Variants in TRMT11 observed in about 807,000 individuals in gnomAD.
TRMT11 encodes the protein tRNA (guanine(10)-N(2))-methyltransferase TRMT11.
Under a neutral mutation model 62.8 loss-of-function variants are expected in TRMT11, and 53 were observed. That is an observed-to-expected ratio of 0.84 (90% CI 0.68 to 1.06). The LOEUF (loss-of-function observed/expected upper bound fraction) is 1.06. TRMT11 is among the 50% of genes least tolerant of loss of function. The probability of loss-of-function intolerance (pLI) is 0.00; values close to 1 mark genes in which losing one functional copy is unlikely to be tolerated. For synonymous variants in TRMT11, 188 were observed against 190.3 expected (o/e 0.99, Z 0.10); for missense variants, 556 against 553.4 (o/e 1.00, Z -0.05).
At chr6:126,166,854 A>G (rs1489128114) in intron 21 of TRMT11, among the ~76,000 whole-genome samples, 1 of 152,098 alleles carries the variant, frequency 6.6e-6, no homozygotes, top group East Asian at 1.9e-4. Flanking sequence ...CAGTGGCTTC[A>G]TGGTGCTGCG....
At chr6:126,144,351 G>T (rs1295873347) in intron 21 of TRMT11, among the ~76,000 whole-genome samples, 1 of 152,128 alleles carries the variant, frequency 6.6e-6, no homozygotes, top group Admixed American at 6.6e-5. Context: ...AAATTGGCGT[G>T]AATTCATTTC....
downstream of TRMT11, among the ~76,000 whole-genome samples, chr6:126,044,225 T>G (rs1295946773): frequency 2.6e-5 from 4 of 152,182 alleles, no homozygotes. Context: ...TTGAATTAAT[T>G]TTTGTATAAA....
At chr6:125,988,694 G>A (rs1790077887) in intron 1 of TRMT11, among the ~76,000 whole-genome samples, 1 of 152,176 alleles carries the variant, frequency 6.6e-6, no homozygotes, top group Non-Finnish European at 1.5e-5. Flanking sequence ...AGTTGACAAG[G>A]AAAAGTAAAA....
chr6:126,075,955 C>T (rs531506769), intron 17 of TRMT11, among the ~76,000 whole-genome samples: 1 of 152,184 alleles, frequency 6.6e-6, no homozygotes, highest in Admixed American at 6.5e-5. Context: ...AATCACAGGG[C>T]CCCAAGGAAC....
At chr6:126,021,542 G>A (rs1795809663) in intron 12 of TRMT11, among the ~76,000 whole-genome samples, 1 of 152,140 alleles carries the variant, frequency 6.6e-6, no homozygotes, top group African/African-American at 2.4e-5. Flanking sequence ...TGATATCCTT[G>A]TTGCTAACTC....
chr6:126,188,678 C>G (rs9491576), intron 1 of TRMT11, among the ~76,000 whole-genome samples: 14,997 of 152,108 alleles, frequency 0.099, 2,467 homozygotes, highest in African/African-American at 0.34. Flanking sequence ...CAAAGTTGTT[C>G]GTACCTTCAA....
At chr6:126,041,673 G>A (rs924241058), downstream of TRMT11, among the ~76,000 whole-genome samples, 1 of 152,026 alleles carries the variant, frequency 6.6e-6, no homozygotes, top group African/African-American at 2.4e-5. Context: ...AGTTCTAACA[G>A]GAAAAAAATT....
chr6:126,023,218 T>C (rs536500685), intron 12 of TRMT11, among the ~76,000 whole-genome samples: 51 of 152,338 alleles, frequency 3.3e-4, no homozygotes, highest in Admixed American at 9.8e-4. Context: ...GTTTCCAAAT[T>C]GTTTGGCATC....
chr6:126,092,389 A>T (rs554249320), intron 17 of TRMT11, among the ~76,000 whole-genome samples: 2 of 152,302 alleles, frequency 1.3e-5, no homozygotes, highest in East Asian at 3.9e-4. Context: ...AAGAGAGAGA[A>T]TGAGAGCCAA....
chr6:126,209,458 C>G, the TRMT11 span, among the ~76,000 whole-genome samples: 1 of 152,052 alleles, frequency 6.6e-6, no homozygotes, highest in African/African-American at 2.4e-5. Context: ...CGGTGGCTCA[C>G]TCCTGTAATC....
the TRMT11 span, among the ~76,000 whole-genome samples, chr6:126,255,983 C>A: frequency 6.6e-6 from 1 of 152,126 alleles, no homozygotes; most frequent in Admixed American, 6.6e-5. Flanking sequence ...CTTGGCTGGG[C>A]AGTTCTGGCT....
At chr6:126,205,898 TACACACACACACACACACAC>T (rs59880424), downstream of TRMT11, among the ~76,000 whole-genome samples, 32 of 143,070 alleles carry the variant, frequency 2.2e-4, no homozygotes, top group Non-Finnish European at 4.3e-4. Context: ...TGTGAGAGGG[TACACACACACACACACACAC>T]ACACACACAC....
intron 21 of TRMT11, among the ~76,000 whole-genome samples, chr6:126,153,331 A>C (rs999865533): frequency 6.6e-6 from 1 of 152,238 alleles, no homozygotes; most frequent in Admixed American, 6.5e-5. Context: ...ATTTCCCTAA[A>C]GTGTGTTTTG....
chr6:126,268,081 G>A, the TRMT11 span, among the ~76,000 whole-genome samples: 1 of 152,122 alleles, frequency 6.6e-6, no homozygotes, highest in Non-Finnish European at 1.5e-5. Flanking sequence ...ACTAAATTAG[G>A]TGTAAATTAT....
At chr6:126,242,675 A>C in the TRMT11 span, among the ~76,000 whole-genome samples, 35 of 152,276 alleles carry the variant, frequency 2.3e-4, no homozygotes, top group South Asian at 6.2e-4. Flanking sequence ...CAAAAACAAG[A>C]AATGGGGAAA....
At chr6:126,237,710 TAAAG>T in the TRMT11 span, among the ~76,000 whole-genome samples, 12 of 151,936 alleles carry the variant, frequency 7.9e-5, no homozygotes, top group African/African-American at 2.7e-4. Flanking sequence ...AAAAGTCTCT[TAAAG>T]AAAAACCAGG....
At chr6:126,051,346 A>G (rs141602591) in intron 16 of TRMT11, among the ~76,000 whole-genome samples, 37 of 152,262 alleles carry the variant, frequency 2.4e-4, no homozygotes, top group African/African-American at 8.2e-4. Context: ...GGGAAACTGC[A>G]TGCAGTTCAT....
intron 21 of TRMT11, among the ~76,000 whole-genome samples, chr6:126,145,971 T>C (rs1443088715): frequency 2.6e-5 from 4 of 152,220 alleles, no homozygotes; most frequent in African/African-American, 4.8e-5. Context: ...TAGTATTTCA[T>C]TGGCAAATAT....
intron 12 of TRMT11, among the ~76,000 whole-genome samples, chr6:126,022,051 GTTTTTT>G (rs10581882): frequency 1.9e-5 from 1 of 52,272 alleles, no homozygotes. Context: ...TTTTTCCTTA[GTTTTTT>G]TTTTTTTTTT....
Sources: allele counts gnomAD v4.1 joint callset (sites outside exome capture counted in the v4.1 genomes callset), GRCh38; gene constraint gnomAD v4.1.1; transcripts MANE v1.5; gene names NCBI Gene and HGNC (gene_info 2026-07-23, HGNC 2026-07-21).